RALGPS2: variants seen among roughly 807,000 people sequenced by gnomAD.
The protein encoded by RALGPS2 is ras-specific guanine nucleotide-releasing factor RalGPS2.
In RALGPS2, 43 loss-of-function variants were observed where a neutral mutation model predicts 86.8. The observed-to-expected ratio is 0.50, with a 90% CI of 0.39 to 0.64. The LOEUF (loss-of-function observed/expected upper bound fraction) is 0.64, where lower values mean the gene tolerates loss of function less well. Ranked by LOEUF, RALGPS2 falls within the 30% of genes least tolerant of loss-of-function variation. RALGPS2 has a pLI of 0.00. For missense variants in RALGPS2, 536 were observed against 694.6 expected, an observed-to-expected ratio of 0.77 and a Z score of 2.57; for synonymous variants, 243 against 231.3, an observed-to-expected ratio of 1.05 and a Z score of -0.46.
intron 1 of RALGPS2, among the ~76,000 whole-genome samples, chr1:178,762,318 C>T (rs948901467): frequency 2.0e-5 from 3 of 152,076 alleles, no homozygotes; most frequent in Admixed American, 2.0e-4. Flanking sequence ...AGTGAACATA[C>T]ATGTGCATAT....
chr1:178,779,207 G>A (rs2102113463), intron 2 of RALGPS2, among the ~76,000 whole-genome samples: 1 of 152,274 alleles, frequency 6.6e-6, no homozygotes, highest in Admixed American at 6.5e-5. Flanking sequence ...AGATGGAGAT[G>A]TGAAGACTGA....
intron 3 of RALGPS2, among the ~76,000 whole-genome samples, chr1:178,785,061 T>C (rs1393689062): frequency 6.6e-6 from 1 of 152,054 alleles, no homozygotes; most frequent in Admixed American, 6.6e-5. Context: ...TATTATTCCT[T>C]GATAGTGTTG....
chr1:178,768,397 C>T (rs1652617044), intron 1 of RALGPS2, among the ~76,000 whole-genome samples: 1 of 152,194 alleles, frequency 6.6e-6, no homozygotes, highest in African/African-American at 2.4e-5. Context: ...CCTTTCCCCA[C>T]TCCCTAGGGG....
chr1:178,881,298 C>T (rs547158341), intron 10 of RALGPS2, among the ~76,000 whole-genome samples: 21 of 152,246 alleles, frequency 1.4e-4, no homozygotes, highest in African/African-American at 5.1e-4. Context: ...TGAATCTTAA[C>T]AGGTGAGTGG....
chr1:178,758,776 A>G lies in RALGPS2; in HGVS notation c.-83-17906A>G, dbSNP rs529901525. ...TAGTACTCCATGATGTATATGTATA[A>G]TATTTTCTTTATCCATACGTTCATC... On this transcript the variant is annotated intron_variant, in intron 1 of 19. Transcript: ENST00000367635. 2.6e-5 allele frequency among the ~76,000 whole-genome samples: 4 copies of G among 152,288 alleles called. No homozygotes were observed. In the South Asian group the frequency reaches 8.3e-4, roughly 32 times the overall value.
chr1:178,856,432 A>ATGAGGTCT (rs1398642546), intron 8 of RALGPS2, among the ~76,000 whole-genome samples: 45 of 39,576 alleles, frequency 1.1e-3, no homozygotes, highest in African/African-American at 4.3e-3. Context: ...TTTTTGAGAG[A>ATGAGGTCT]TGAGGTCTTG....
intron 8 of RALGPS2, among the ~76,000 whole-genome samples, chr1:178,838,489 GA>G (rs1294205831): frequency 6.6e-6 from 1 of 152,050 alleles, no homozygotes; most frequent in Non-Finnish European, 1.5e-5. Context: ...AAAACTAACA[GA>G]AAGGACATCC....
chr1:178,757,076 G>T (rs979857095), intron 1 of RALGPS2, among the ~76,000 whole-genome samples: 2 of 152,082 alleles, frequency 1.3e-5, no homozygotes, highest in African/African-American at 2.4e-5. Flanking sequence ...ATTGTAAATG[G>T]AATTGTGTTC....
chr1:178,737,041 T>C (rs1294197293), intron 1 of RALGPS2, among the ~76,000 whole-genome samples: 2 of 152,260 alleles, frequency 1.3e-5, no homozygotes, highest in African/African-American at 4.8e-5. Flanking sequence ...TCTCTTGTTT[T>C]ACTTTTCCTT....
chr1:178,885,057 C>T lies in RALGPS2; in HGVS notation c.905-19C>T. On this transcript the variant is annotated intron_variant, in intron 11 of 19. Transcript: ENST00000367635. ...AAATAAAGTAATCATTTGAAAATCT[C>T]TTTAAATTTAACCCTTAGGTCCTGA... 6.4e-7 allele frequency: 1 copy of T among 1,554,334 alleles called. No homozygotes were observed. The highest frequency in any genetic ancestry group is 8.6e-7 in the Non-Finnish European group (1 of 1,157,460).
At position 178,785,110 on chromosome 1, in the gene RALGPS2, C is replaced by A. The variant is rs540588714; in HGVS notation, c.163-447C>A. ...ATCTATAGCCATAAGTGGGATAGGT[C>A]CATAGCATATAAAGCTCTTAGATAT... On this transcript the variant is annotated intron_variant, in intron 3 of 19. Coordinates refer to ENST00000367635, the MANE Select transcript of RALGPS2 (RefSeq NM_152663.5). Among the ~76,000 whole-genome samples, 11 of 151,984 alleles carry A rather than the reference C, an allele frequency of 7.2e-5. No individual in the cohort carries two copies. The South Asian group carries it at 2.1e-3, about 29-fold the overall frequency.
Position 178,885,230 on chromosome 1 carries a change from A to G in RALGPS2, c.1040+19A>G. ...GTTATAAGTCAGCATTTTTAATTTT[A>G]TCTTTCAAATTTTTAAGTCTTTTGT... On this transcript the variant is annotated intron_variant, in intron 12 of 19. Coordinates refer to ENST00000367635, the MANE Select transcript of RALGPS2 (RefSeq NM_152663.5). 1.3e-6 allele frequency: 2 copies of G among 1,595,638 alleles called. No individual in the cohort carries two copies. Among genetic ancestry groups the G allele is most frequent in the Non-Finnish European group, 1.7e-6 (2 of 1,172,582 alleles).
chr1:178,739,959 T>A (rs183515944), intron 1 of RALGPS2, among the ~76,000 whole-genome samples: 1 of 152,338 alleles, frequency 6.6e-6, no homozygotes, highest in East Asian at 1.9e-4. Flanking sequence ...AATAGGGTCA[T>A]TGATACTACT....
chr1:178,815,189 T>C (rs541026096), intron 6 of RALGPS2, among the ~76,000 whole-genome samples: 38 of 152,316 alleles, frequency 2.5e-4, no homozygotes, highest in Admixed American at 2.2e-3. Flanking sequence ...CATGTGATTC[T>C]CCTGCCTCAG....
chr1:178,906,354 G>A (rs936948149), intron 18 of RALGPS2, among the ~76,000 whole-genome samples: 1 of 151,120 alleles, frequency 6.6e-6, no homozygotes, highest in South Asian at 2.1e-4. Flanking sequence ...CAGCCTGGGC[G>A]ACAGAGCGAG....
intron 4 of RALGPS2, among the ~76,000 whole-genome samples, chr1:178,790,510 T>C (rs531022796): frequency 4.1e-4 from 63 of 152,322 alleles, no homozygotes; most frequent in Non-Finnish European, 7.9e-4. Context: ...TTTAGTTATA[T>C]TTTTTCTTTA....
intron 18 of RALGPS2, among the ~76,000 whole-genome samples, chr1:178,905,961 G>C (rs1469176257): frequency 6.6e-6 from 1 of 152,140 alleles, no homozygotes; most frequent in Admixed American, 6.5e-5. Context: ...TGTAACTAAA[G>C]ACTAAAAGCA....
At chr1:178,806,733 T>G (rs1396054224) in intron 4 of RALGPS2, among the ~76,000 whole-genome samples, 1 of 152,108 alleles carries the variant, frequency 6.6e-6, no homozygotes, top group Non-Finnish European at 1.5e-5. Flanking sequence ...TTTTGGCTTC[T>G]TTTTTTCTCA....
intron 19 of RALGPS2, among the ~76,000 whole-genome samples, chr1:178,907,102 A>G (rs1408262718): frequency 6.6e-6 from 1 of 152,248 alleles, no homozygotes; most frequent in Admixed American, 6.5e-5. Flanking sequence ...AGAAAACAAT[A>G]GACGTATGTG....
Sources: allele counts gnomAD v4.1 joint callset (sites outside exome capture counted in the v4.1 genomes callset), GRCh38; gene constraint gnomAD v4.1.1; transcripts MANE v1.5; gene names NCBI Gene and HGNC (gene_info 2026-07-23, HGNC 2026-07-21).